Variants in BIN2 observed in about 807,000 individuals in gnomAD.
BIN2 encodes the protein breast cancer associated protein BRAP1.
A neutral mutation model predicts 67.9 loss-of-function variants in BIN2; 43 were observed. The observed-to-expected ratio is 0.63, with a 90% CI of 0.50 to 0.82. BIN2 has a LOEUF of 0.82. Among genes scored for constraint, BIN2 ranks in the 40% least tolerant of loss-of-function variants. The probability of loss-of-function intolerance (pLI) is 0.00; values close to 1 mark genes in which losing one functional copy is unlikely to be tolerated. For missense variants in BIN2, 581 were observed against 671.6 expected, an observed-to-expected ratio of 0.87 and a Z score of 1.49; for synonymous variants, 244 against 246.8, an observed-to-expected ratio of 0.99 and a Z score of 0.11.
Position 51,302,747 on chromosome 12 carries a change from G to A in BIN2, c.251C>T (p.Thr84Ile). 2 of 1,614,074 alleles carry A rather than the reference G, an allele frequency of 1.2e-6. No individual in the cohort carries two copies. The highest frequency in any genetic ancestry group is 2.2e-5 in the South Asian group (2 of 91,072). Reference protein sequence around the residue: ...MHESSKRVSETLQEIYSSEWD... With the variant: ...MHESSKRVSEILQEIYSSEWD... ...CTCGCTGCTGTAGATCTCCTGCAGG[G>A]TTTCTGACACTCTTTTTGAACTTTC... Residue 84 changes from threonine to isoleucine, a missense_variant, in exon 4 of 13, where the codon ACC becomes ATC. Transcript: ENST00000615107.
chr12:51,304,378 AG>A (rs1487227492), intron 2 of BIN2: 2 of 152,258 alleles, frequency 1.3e-5, no homozygotes, highest in African/African-American at 2.4e-5. Flanking sequence ...CCTTTCTCAC[AG>A]GTTTCCTCAA....
chr12:51,314,327 C>T (rs1592279629), intron 1 of BIN2, among the ~76,000 whole-genome samples: 1 of 151,622 alleles, frequency 6.6e-6, no homozygotes, highest in Non-Finnish European at 1.5e-5. Context: ...GGATTACAGG[C>T]GTGAGCCAAC....
rs1946067614 is a variant in BIN2, at chr12:51,314,195, G to A, written c.82-292C>T. On this transcript the variant is annotated intron_variant, in intron 1 of 12. Coordinates refer to ENST00000615107, the MANE Select transcript of BIN2 (RefSeq NM_016293.4). ...CCTGAGTAGCTGGGATTACAGGCGT[G>A]TACCACCACGCCCAGCTAATTTTTG... Among the ~76,000 whole-genome samples the A allele has an allele frequency of 2.6e-5, 4 of 151,990 alleles. No homozygotes were observed. The South Asian group carries it at 8.3e-4, about 32-fold the overall frequency.
chr12:51,298,261 A>G (rs1277214512), intron 7 of BIN2, among the ~76,000 whole-genome samples: 2 of 152,204 alleles, frequency 1.3e-5, no homozygotes, highest in African/African-American at 2.4e-5. Context: ...AGTCCCAGCT[A>G]CTTGGGAGGC....
At position 51,287,644 on chromosome 12, in the gene BIN2, G is replaced by A. The variant is rs1398927466; in HGVS notation, c.1596+464C>T. 2.7e-5 allele frequency among the ~76,000 whole-genome samples: 4 copies of A among 148,592 alleles called. No individual in the cohort carries two copies. The East Asian group carries it at 8.2e-4, about 30-fold the overall frequency. On this transcript the variant is annotated intron_variant, in intron 11 of 12. Transcript: ENST00000615107. Reference sequence around the variant, plus strand: ...GCGTAAGCCACTGCACCCGGCCTAGGAAAAGTTTTTTTTTTTTTTCTTTTT... The same window carrying A: ...GCGTAAGCCACTGCACCCGGCCTAGAAAAAGTTTTTTTTTTTTTTCTTTTT...
At position 51,297,172 on chromosome 12, in the gene BIN2, G is replaced by C; in HGVS notation, c.603-8C>G. The C allele has an allele frequency of 6.2e-7, 1 of 1,611,776 alleles. No homozygotes were observed. The highest frequency in any genetic ancestry group is 2.2e-5 in the East Asian group (1 of 44,866). The stretch of plus-strand genomic sequence containing the variant: ...ACATAGCAGCCAATACGACTATTAG[G>C]AAGCAAAACCACAAACACATACGAG... On this transcript the variant is annotated splice_polypyrimidine_tract_variant and splice_region_variant and intron_variant, in intron 7 of 12. Transcript: ENST00000615107.
chr12:51,302,005 C>T lies in BIN2; in HGVS notation c.408+15G>A, dbSNP rs758346856. On this transcript the variant is annotated intron_variant, in intron 5 of 12. Coordinates refer to ENST00000615107, the MANE Select transcript of BIN2 (RefSeq NM_016293.4). ...GGTCATCCACAACCCAGCCTTGATT[C>T]TGTACATTGAGTACCTTAATTTCAC... The T allele has an allele frequency of 1.9e-6, 3 of 1,584,938 alleles. No individual in the cohort carries two copies. Among genetic ancestry groups the T allele is most frequent in the Non-Finnish European group, 2.6e-6 (3 of 1,154,540 alleles).
chr12:51,299,318 C>T (rs1945657068), intron 6 of BIN2, 30 bp from the exon 7 acceptor site: 2 of 1,591,046 alleles, frequency 1.3e-6, no homozygotes, highest in African/African-American at 2.7e-5. Flanking sequence ...AGACAATCTC[C>T]CTCAATTCTG....
At chr12:51,289,929 G>A (rs1379031634) in intron 10 of BIN2, among the ~76,000 whole-genome samples, 1 of 151,758 alleles carries the variant, frequency 6.6e-6, no homozygotes, top group African/African-American at 2.4e-5. Context: ...ACACACCCTG[G>A]AAATTTGCTG....
At chr12:51,289,912 A>G (rs1238197750) in intron 10 of BIN2, among the ~76,000 whole-genome samples, 1 of 151,832 alleles carries the variant, frequency 6.6e-6, no homozygotes, top group Non-Finnish European at 1.5e-5. Flanking sequence ...TCTTCTCATC[A>G]GAGAAGACAC....
chr12:51,302,939 C>G, intron 3 of BIN2, 148 bp downstream of exon 3: 1 of 1,141,616 alleles, frequency 8.8e-7, no homozygotes, highest in Non-Finnish European at 1.3e-6. Context: ...GGAAAAGTCA[C>G]TCTTCCTCAG....
At chr12:51,288,751 C>A (rs950847443) in intron 10 of BIN2, among the ~76,000 whole-genome samples, 2 of 141,418 alleles carry the variant, frequency 1.4e-5, no homozygotes, top group South Asian at 2.3e-4. Context: ...TATCCTAGAT[C>A]TTTTTTTTTT....
intron 2 of BIN2, among the ~76,000 whole-genome samples, chr12:51,308,303 T>C (rs937034745): frequency 3.9e-5 from 6 of 152,184 alleles, no homozygotes; most frequent in African/African-American, 1.2e-4. Flanking sequence ...CAGTTCTAGC[T>C]CTAAATCTTA....
chr12:51,302,036 T>C lies in BIN2; in HGVS notation c.392A>G (p.Gln131Arg). 6.2e-7 allele frequency: 1 copy of C among 1,613,012 alleles called. No individual in the cohort carries two copies. Among genetic ancestry groups the C allele is most frequent in the Admixed American group, 1.7e-5 (1 of 60,008 alleles). Residue 131 changes from glutamine (Q) to arginine (R), a missense_variant, in exon 5 of 13, where the codon CAG (glutamine) becomes CGG (arginine). Physicochemically the swap from Gln to Arg is conservative, Grantham distance 43 (BLOSUM62 1). Transcript: ENST00000615107. ...ATTGAGTACCTTAATTTCACTGAACTGGGCAACATAGATTTCCATGGTCCT... is the reference window on the plus strand; with the variant it reads ...ATTGAGTACCTTAATTTCACTGAACCGGGCAACATAGATTTCCATGGTCCT... Reference protein sequence around the residue: ...AVRTMEIYVAQFSEIKERIAK... With the variant: ...AVRTMEIYVARFSEIKERIAK...
intron 1 of BIN2, chr12:51,322,997 T>A (rs1056647689): frequency 1.3e-5 from 2 of 152,198 alleles, no homozygotes; most frequent in Admixed American, 1.3e-4. Context: ...TAGGGATATT[T>A]CAGTTGGTAA....
chr12:51,316,832 T>C (rs1446894053), intron 1 of BIN2, among the ~76,000 whole-genome samples: 2 of 152,314 alleles, frequency 1.3e-5, no homozygotes, highest in East Asian at 3.9e-4. Flanking sequence ...AACTTCTGTA[T>C]CTTGTATACA....
Position 51,281,418 on chromosome 12 carries a change from T to C in BIN2, c.*81A>G, listed in dbSNP as rs1450533235. 2.1e-6 allele frequency: 3 copies of C among 1,449,184 alleles called. No homozygotes were observed. In the African/African-American group the frequency reaches 4.2e-5, roughly 20 times the overall value. The allele number at this position is 1,449,184 out of a possible 1,614,324, so 89.8% of individuals were successfully genotyped here. On this transcript the variant is annotated 3_prime_UTR_variant, in exon 13 of 13. Coordinates refer to ENST00000615107, the MANE Select transcript of BIN2 (RefSeq NM_016293.4). Reference sequence around the variant, plus strand: ...GAACCCAGGGATGGATGCTGGCTCTTATATCCCTCTGACCTATACCCTCTG... The same window carrying C: ...GAACCCAGGGATGGATGCTGGCTCTCATATCCCTCTGACCTATACCCTCTG...
intron 1 of BIN2, among the ~76,000 whole-genome samples, chr12:51,317,642 G>A (rs1225602017): frequency 6.6e-6 from 1 of 151,850 alleles, no homozygotes; most frequent in Non-Finnish European, 1.5e-5. Context: ...GGGCAACAGA[G>A]CGAAACTCTG....
In BIN2 at chr12:51,299,290, TAGGTGGTAAA is replaced by T. The variant is rs917300719; in HGVS notation, c.517-12_517-3del. 4 of 1,612,502 alleles carry T rather than the reference TAGGTGGTAAA, an allele frequency of 2.5e-6. No homozygotes were observed. The African/African-American group carries it at 5.3e-5, about 22-fold the overall frequency. ...GGCTTTGTTGAACTCTTCCTCTGCC[TAGGTGGTAAA>T]AGAGACAAGACAATCTCCCTCAATT... On this transcript the variant is annotated splice_polypyrimidine_tract_variant and splice_region_variant and intron_variant, in intron 6 of 12. Transcript: ENST00000615107.
Sources: gnomAD v4.1 joint callset for allele counts (sites outside exome capture counted in the v4.1 genomes callset) on GRCh38, gnomAD v4.1.1 for gene constraint, MANE v1.5 for transcripts, NCBI Gene and HGNC (gene_info 2026-07-23, HGNC 2026-07-21) for gene names.